Variants in SERINC5 observed in about 807,000 individuals in gnomAD.
The protein encoded by SERINC5 is serine incorporator 5, also known as chromosome 5 open reading frame 12.
In SERINC5, 41 loss-of-function variants were observed where a neutral mutation model predicts 63.1. That is an observed-to-expected ratio of 0.65 (90% CI 0.51 to 0.84). SERINC5 has a LOEUF of 0.84. SERINC5 is among the 40% of genes least tolerant of loss of function. SERINC5 has a pLI of 0.00. For missense variants in SERINC5, 523 were observed against 573.0 expected (o/e 0.91, Z 0.89); for synonymous variants, 222 against 215.2 (o/e 1.03, Z -0.28).
At chr5:80,158,595 C>T in intron 8 of SERINC5, 1 of 455,528 alleles carries the variant, frequency 2.2e-6, no homozygotes, top group South Asian at 3.3e-5. Context: ...CAAATAAAAA[C>T]AAGTAAGGTA....
At position 80,141,325 on chromosome 5, in the gene SERINC5, G is replaced by A; in HGVS notation, c.*2338C>T. 3.0e-6 allele frequency: 3 copies of A among 985,440 alleles called. No homozygotes were observed. The highest frequency in any genetic ancestry group is 3.6e-6 in the Non-Finnish European group (3 of 829,934). 61.0% of individuals were successfully genotyped at this position (985,440 alleles called of 1,614,324 possible). A position where few individuals can be genotyped will look rare whatever the true frequency, so the allele number is the denominator to read the frequency against. On this transcript the variant is annotated 3_prime_UTR_variant, in exon 12 of 12. Transcript: ENST00000507668. ...TGTGTGGCTGGGCTGGCTCCAGAAG[G>A]AAGCGACGAGGGCCTTCTACCGGCC...
intron 2 of SERINC5, among the ~76,000 whole-genome samples, chr5:80,194,838 C>T (rs1690237343): frequency 6.6e-6 from 1 of 152,164 alleles, no homozygotes; most frequent in Non-Finnish European, 1.5e-5. Context: ...ACAGGAGATG[C>T]ACTGGCCAGG....
Position 80,146,175 on chromosome 5 carries a change from C to T in SERINC5, c.1153G>A (p.Gly385Ser). ...GPRVIYDEKK[G>S]TVYIYSYFHF... ...AAGTAGGAGTAGATGTAGACGGTGC[C>T]TTTCTTCTCGTCATAAATGACCCGT... Residue 385 changes from glycine to serine, a missense_variant, in exon 11 of 12, where the codon GGC becomes AGC. Gly to Ser is a moderately conservative substitution (Grantham distance 56, BLOSUM62 0). Coordinates refer to ENST00000507668, the MANE Select transcript of SERINC5 (RefSeq NM_001174072.3). The T allele has an allele frequency of 6.2e-7, 1 of 1,613,978 alleles. No homozygotes were observed. The highest frequency in any genetic ancestry group is 8.5e-7 in the Non-Finnish European group (1 of 1,179,866).
Position 80,139,540 on chromosome 5 carries a change from A to G in SERINC5, c.*4123T>C. The G allele has an allele frequency of 1.0e-6, 1 of 984,952 alleles. No homozygotes were observed. The highest frequency in any genetic ancestry group is 1.2e-6 in the Non-Finnish European group (1 of 829,932). 61.0% of individuals were successfully genotyped at this position (984,952 alleles called of 1,614,324 possible). The stretch of plus-strand genomic sequence containing the variant: ...AAAAAAGCTCTTTGGTAAAGGCCAA[A>G]TATTTCAACCTTTCAAAATGACTGC... On this transcript the variant is annotated 3_prime_UTR_variant, in exon 12 of 12. Transcript: ENST00000507668.
At chr5:80,208,867 T>C (rs369404479) in intron 1 of SERINC5, among the ~76,000 whole-genome samples, 1 of 152,220 alleles carries the variant, frequency 6.6e-6, no homozygotes, top group South Asian at 2.1e-4. Flanking sequence ...TATTTGTTAA[T>C]ACGTCAGGTG....
At chr5:80,189,148 A>G (rs1011940461) in intron 2 of SERINC5, among the ~76,000 whole-genome samples, 1 of 152,214 alleles carries the variant, frequency 6.6e-6, no homozygotes, top group African/African-American at 2.4e-5. Context: ...TAAAGTTAGT[A>G]CATTTAAAAT....
At chr5:80,119,864 G>A (rs1194831868) in intron 11 of SERINC5, among the ~76,000 whole-genome samples, 3 of 152,168 alleles carry the variant, frequency 2.0e-5, no homozygotes, top group African/African-American at 7.2e-5. Context: ...ACCCCCTTTG[G>A]TAATTCTGGT....
Position 80,255,938 on chromosome 5 carries a change from C to G in SERINC5, c.-16G>C, listed in dbSNP as rs370117062. 1 of 1,543,472 alleles carries G rather than the reference C, an allele frequency of 6.5e-7. No individual in the cohort carries two copies. Among genetic ancestry groups the G allele is most frequent in the Non-Finnish European group, 8.7e-7 (1 of 1,153,864 alleles). ...GAGCTGACATCGCGGCGGCCAATGC[C>G]GAAGGCGCGCTCGCTGGCTCCCCGC... is the stretch of plus-strand genomic sequence containing the variant. On this transcript the variant is annotated 5_prime_UTR_variant, in exon 1 of 12. Coordinates refer to ENST00000507668, the MANE Select transcript of SERINC5 (RefSeq NM_001174072.3).
chr5:80,223,851 C>T (rs923141270), intron 1 of SERINC5, among the ~76,000 whole-genome samples: 3 of 151,936 alleles, frequency 2.0e-5, no homozygotes, highest in Non-Finnish European at 2.9e-5. Flanking sequence ...TCAAGCCGGG[C>T]GCGGTGGCTC....
At chr5:80,171,631 G>A (rs1747663640) in intron 5 of SERINC5, among the ~76,000 whole-genome samples, 1 of 152,148 alleles carries the variant, frequency 6.6e-6, no homozygotes. Flanking sequence ...ACAGCTAGAG[G>A]AGAGGCTTTT....
rs58622143 is a variant in SERINC5, at chr5:80,173,225, A to AGAAGGAAGGAAG, written c.551+1717_551+1728dup. ...AAGGAAGAGGAAAGGCAGGAAGGAA[A>AGAAGGAAGGAAG]GAAGGAAGGAAGGAAGGAAGGAAGG... On this transcript the variant is annotated intron_variant, in intron 5 of 11. Transcript: ENST00000507668. Among the ~76,000 whole-genome samples, 480 of 137,836 alleles carry AGAAGGAAGGAAG rather than the reference A, an allele frequency of 3.5e-3. 2 individuals are homozygous for AGAAGGAAGGAAG. Among genetic ancestry groups the AGAAGGAAGGAAG allele is most frequent in the African/African-American group, 7.9e-3 (292 of 36,864 alleles). The allele number at this position is 137,836 out of a possible 152,430, so 90.4% of individuals were successfully genotyped here. A position where few individuals can be genotyped will look rare whatever the true frequency, so the allele number is the denominator to read the frequency against.
At chr5:80,166,180 C>G (rs1747289237) in intron 7 of SERINC5, among the ~76,000 whole-genome samples, 1 of 152,144 alleles carries the variant, frequency 6.6e-6, no homozygotes, top group Non-Finnish European at 1.5e-5. Flanking sequence ...GTTGTGCTAT[C>G]AAATACTAGG....
chr5:80,135,365 C>T (rs2112265537), downstream of SERINC5, among the ~76,000 whole-genome samples: 1 of 152,194 alleles, frequency 6.6e-6, no homozygotes, highest in East Asian at 1.9e-4. Context: ...TAAAGGAAGG[C>T]CGACCCAGAA....
At chr5:80,249,530 C>T (rs969806605) in intron 1 of SERINC5, among the ~76,000 whole-genome samples, 14 of 152,108 alleles carry the variant, frequency 9.2e-5, no homozygotes, top group African/African-American at 3.4e-4. Context: ...CGGCCGGGCA[C>T]AGTGGCTCAG....
At chr5:80,158,993 C>A in intron 7 of SERINC5, 31 bp from the exon 8 acceptor site, 1 of 1,611,678 alleles carries the variant, frequency 6.2e-7, no homozygotes, top group South Asian at 1.1e-5. Context: ...TCATCACAGT[C>A]AAGTACAAAG....
intron 2 of SERINC5, among the ~76,000 whole-genome samples, chr5:80,182,084 C>T (rs1379751332): frequency 1.3e-5 from 2 of 152,172 alleles, no homozygotes; most frequent in Admixed American, 6.5e-5. Flanking sequence ...GGTGCAGAGG[C>T]TGGAACCTGT....
chr5:80,202,217 A>G (rs112097006), intron 2 of SERINC5, among the ~76,000 whole-genome samples: 21,806 of 152,042 alleles, frequency 0.14, 1,699 homozygotes, highest in African/African-American at 0.19. Flanking sequence ...TAGCCTGGGT[A>G]ACAAGAGCAA....
At chr5:80,217,268 C>T (rs375374395) in intron 1 of SERINC5, among the ~76,000 whole-genome samples, 10 of 152,274 alleles carry the variant, frequency 6.6e-5, no homozygotes, top group South Asian at 6.2e-4. Context: ...AGCTTATCAA[C>T]CGGCAGCCAG....
intron 1 of SERINC5, among the ~76,000 whole-genome samples, chr5:80,231,072 G>A (rs1444513096): frequency 2.0e-5 from 3 of 152,120 alleles, no homozygotes; most frequent in Non-Finnish European, 2.9e-5. Flanking sequence ...CACATGGTGG[G>A]ATTACAGGTG....
Sources: gnomAD v4.1 joint callset for allele counts (sites outside exome capture counted in the v4.1 genomes callset) on GRCh38, gnomAD v4.1.1 for gene constraint, MANE v1.5 for transcripts, NCBI Gene and HGNC (gene_info 2026-07-23, HGNC 2026-07-21) for gene names.